ATP8A1: variants seen among roughly 807,000 people sequenced by gnomAD.
ATP8A1 encodes the protein ATPase phospholipid transporting 8A1, also known as phospholipid-transporting ATPase IA.
Under a neutral mutation model 177.7 loss-of-function variants are expected in ATP8A1, and 90 were observed. The observed-to-expected ratio is 0.51, with a 90% CI of 0.43 to 0.60. The LOEUF (loss-of-function observed/expected upper bound fraction) is 0.60, where lower values mean the gene tolerates loss of function less well. ATP8A1 is among the 20% of genes least tolerant of loss of function. The pLI is 0.00. For missense variants in ATP8A1, 1,072 were observed against 1,392.8 expected, an observed-to-expected ratio of 0.77 and a Z score of 3.67; for synonymous variants, 493 against 485.9, an observed-to-expected ratio of 1.01 and a Z score of -0.19.
At chr4:42,479,094 G>C (rs997052807) in intron 25 of ATP8A1, among the ~76,000 whole-genome samples, 2 of 152,200 alleles carry the variant, frequency 1.3e-5, no homozygotes, top group African/African-American at 4.8e-5. Context: ...GTTCATTCAT[G>C]AGCTACAGAC....
At position 42,536,068 on chromosome 4, in the gene ATP8A1, C is replaced by CA. The variant is rs554936367; in HGVS notation, c.1722+7848dup. On this transcript the variant is annotated intron_variant, in intron 20 of 36. Transcript: ENST00000381668. ...CCTCAAGGAACTAGGGGAACAAGAG[C>CA]AAACCAACCCCAAACCCAGCAGAAT... 3.4e-4 allele frequency among the ~76,000 whole-genome samples: 52 copies of CA among 152,264 alleles called. No homozygotes were observed. The East Asian group carries it at 9.1e-3, about 27-fold the overall frequency.
At chr4:42,544,587 GAACT>G (rs934488125) in intron 19 of ATP8A1, among the ~76,000 whole-genome samples, 1 of 152,146 alleles carries the variant, frequency 6.6e-6, no homozygotes, top group Non-Finnish European at 1.5e-5. Context: ...AGTTTAATAA[GAACT>G]GTCTGTCAAA....
intron 15 of ATP8A1, among the ~76,000 whole-genome samples, chr4:42,563,960 T>C (rs1338129905): frequency 6.6e-6 from 1 of 152,186 alleles, no homozygotes; most frequent in Non-Finnish European, 1.5e-5. Context: ...CTGGGCATGG[T>C]GGCACATGCC....
chr4:42,414,612 A>C lies in ATP8A1; in HGVS notation c.3397+15T>G, dbSNP rs758805245. 9 of 1,603,962 alleles carry C rather than the reference A, an allele frequency of 5.6e-6. No individual in the cohort carries two copies. The highest frequency in any genetic ancestry group is 7.7e-6 in the Non-Finnish European group (9 of 1,170,838). ...GCAGAGAATTTATTTAAAAATAAGA[A>C]ACTCAAATACTCACGGAGCAGATTT... is the stretch of plus-strand genomic sequence containing the variant. On this transcript the variant is annotated intron_variant, in intron 36 of 36. Coordinates refer to ENST00000381668, the MANE Select transcript of ATP8A1 (RefSeq NM_006095.2).
chr4:42,643,617 T>G (rs535848779), intron 1 of ATP8A1, among the ~76,000 whole-genome samples: 1 of 152,282 alleles, frequency 6.6e-6, no homozygotes, highest in East Asian at 1.9e-4. Context: ...CCACTATCAT[T>G]TCTCCTTGTT....
chr4:42,463,480 C>T (rs553119576), intron 27 of ATP8A1, among the ~76,000 whole-genome samples: 2 of 152,272 alleles, frequency 1.3e-5, no homozygotes, highest in South Asian at 4.2e-4. Context: ...AACTGTAAGT[C>T]CATTAAACCT....
At chr4:42,414,553 C>A in intron 36 of ATP8A1, 74 bp downstream of exon 36, 1 of 1,291,238 alleles carries the variant, frequency 7.7e-7, no homozygotes, top group African/African-American at 1.5e-5. Context: ...TCCCTAAAGT[C>A]AGGATACTGT....
At chr4:42,434,200 G>T (rs1211314184) in intron 33 of ATP8A1, among the ~76,000 whole-genome samples, 1 of 152,002 alleles carries the variant, frequency 6.6e-6, no homozygotes, top group African/African-American at 2.4e-5. Flanking sequence ...TTTTCATTAA[G>T]AGAAACAAAA....
In ATP8A1 at chr4:42,627,008, T is replaced by C; in HGVS notation, c.151A>G (p.Asn51Asp). Residue 51 changes from asparagine to aspartate, a missense_variant, in exon 2 of 37, where the codon AAT becomes GAT. By Grantham distance (23) the Asn-to-Asp change is conservative. Transcript: ENST00000381668. ...INQPQLTKFC[N>D]NHVSTAKYNI... ...GGTAGTTCTTACCTGACATGGTTAT[T>C]GCAGAATTTTGTCAGCTGGGGCTGG... is the stretch of plus-strand genomic sequence containing the variant. 1 of 1,613,950 alleles carries C rather than the reference T, an allele frequency of 6.2e-7. No homozygotes were observed. The highest frequency in any genetic ancestry group is 8.5e-7 in the Non-Finnish European group (1 of 1,179,798).
chr4:42,488,580 C>T (rs950827552), intron 24 of ATP8A1, among the ~76,000 whole-genome samples: 7 of 152,128 alleles, frequency 4.6e-5, no homozygotes, highest in Non-Finnish European at 1.0e-4. Context: ...CTTGTCTCTT[C>T]TTGCTTTAAA....
chr4:42,574,596 C>T (rs182515900), intron 14 of ATP8A1, 23 bp downstream of exon 14: 4 of 1,573,904 alleles, frequency 2.5e-6, no homozygotes, highest in Non-Finnish European at 3.5e-6. Flanking sequence ...TATTTCATAT[C>T]CTAATTAAAG....
chr4:42,451,855 T>C (rs1482693307), intron 30 of ATP8A1, 126 bp downstream of exon 30: 2 of 598,784 alleles, frequency 3.3e-6, no homozygotes, highest in Non-Finnish European at 5.4e-6. Context: ...TTTGGGTGCA[T>C]GCATTTTAGG....
At chr4:42,656,702 G>T (rs2109605099) in intron 1 of ATP8A1, 123 bp downstream of exon 1, 1 of 1,189,966 alleles carries the variant, frequency 8.4e-7, no homozygotes, top group Non-Finnish European at 1.1e-6. Context: ...GGGGCCGGGC[G>T]CGACAGTCGG....
intron 30 of ATP8A1, among the ~76,000 whole-genome samples, chr4:42,450,385 G>A (rs888356535): frequency 5.3e-5 from 8 of 152,120 alleles, no homozygotes; most frequent in African/African-American, 1.4e-4. Flanking sequence ...TATGAATGTC[G>A]GGCATCAGAT....
intron 24 of ATP8A1, among the ~76,000 whole-genome samples, chr4:42,489,656 T>G (rs1375637271): frequency 6.6e-6 from 1 of 152,224 alleles, no homozygotes; most frequent in Non-Finnish European, 1.5e-5. Context: ...ACAAGTTATA[T>G]TTTATCCTTA....
intron 20 of ATP8A1, among the ~76,000 whole-genome samples, chr4:42,541,794 CTA>C (rs1217212028): frequency 6.6e-6 from 1 of 152,118 alleles, no homozygotes. Context: ...ATCATTCTAA[CTA>C]TATGACATTC....
rs773164334 is a variant in ATP8A1, at chr4:42,430,419, T to G, written c.3124-6714A>C. Reference sequence around the variant, plus strand: ...GGAGAAAAATCGAGAGTCTTTACAATTGTCTCATGGCCCTGGGTGTTCTGC... The same window carrying G: ...GGAGAAAAATCGAGAGTCTTTACAAGTGTCTCATGGCCCTGGGTGTTCTGC... On this transcript the variant is annotated intron_variant, in intron 33 of 36. Transcript: ENST00000381668. Among the ~76,000 whole-genome samples, 34 of 151,970 alleles carry G rather than the reference T, an allele frequency of 2.2e-4. 1 individual carries two copies. The highest frequency in any genetic ancestry group is 6.2e-4 in the South Asian group (3 of 4,812).
Position 42,637,475 on chromosome 4 carries a change from C to A in ATP8A1, c.50-10366G>T, listed in dbSNP as rs139575310. Among the ~76,000 whole-genome samples the A allele has an allele frequency of 6.4e-3, 973 of 152,292 alleles. 17 individuals are homozygous for A. The highest frequency in any genetic ancestry group is 7.8e-3 in the Non-Finnish European group (532 of 68,020). On this transcript the variant is annotated intron_variant, in intron 1 of 36. Transcript: ENST00000381668. ...TCTGAGTTATAACAAACATTACATA[C>A]CCTTGATCATGTAAAACATGGTTAT... is the stretch of plus-strand genomic sequence containing the variant.
At chr4:42,627,326 A>G (rs1738214595) in intron 1 of ATP8A1, among the ~76,000 whole-genome samples, 1 of 152,240 alleles carries the variant, frequency 6.6e-6, no homozygotes, top group African/African-American at 2.4e-5. Flanking sequence ...AGCCATATCA[A>G]AAACAAGACA....
Sources: allele counts gnomAD v4.1 joint callset (sites outside exome capture counted in the v4.1 genomes callset), GRCh38; gene constraint gnomAD v4.1.1; transcripts MANE v1.5; gene names NCBI Gene and HGNC (gene_info 2026-07-23, HGNC 2026-07-21).